EPC2: variants seen among roughly 807,000 people sequenced by gnomAD.
EPC2 encodes enhancer of polycomb homolog 2.
EPC2 carries 14 observed loss-of-function variants against 92.1 expected under a neutral mutation model. That is an observed-to-expected ratio of 0.15 (90% CI 0.10 to 0.24). The LOEUF is 0.24. Among genes scored for constraint, EPC2 ranks in the 10% least tolerant of loss-of-function variants. The pLI is 1.00. For missense variants in EPC2, 755 were observed against 971.5 expected, an observed-to-expected ratio of 0.78 and a Z score of 2.96; for synonymous variants, 340 against 334.7, an observed-to-expected ratio of 1.02 and a Z score of -0.17.
intron 2 of EPC2, among the ~76,000 whole-genome samples, chr2:148,738,096 G>C (rs1256880725): frequency 4.6e-5 from 7 of 151,972 alleles, no homozygotes; most frequent in African/African-American, 1.5e-4. Flanking sequence ...CTTTGTTTCT[G>C]TTACCCGTAA....
At chr2:148,698,419 C>T (rs573428877) in intron 2 of EPC2, among the ~76,000 whole-genome samples, 27 of 151,848 alleles carry the variant, frequency 1.8e-4, no homozygotes, top group African/African-American at 5.3e-4. Flanking sequence ...GGGTGGATCA[C>T]GAGGTCAGGA....
intron 2 of EPC2, among the ~76,000 whole-genome samples, chr2:148,723,896 A>G (rs1056363277): frequency 1.3e-5 from 2 of 152,010 alleles, no homozygotes; most frequent in Admixed American, 1.3e-4. Flanking sequence ...TGTTTTTTTA[A>G]TTCTTAGAGT....
chr2:148,730,801 A>G (rs76815040), intron 2 of EPC2, among the ~76,000 whole-genome samples: 1 of 152,360 alleles, frequency 6.6e-6, no homozygotes, highest in East Asian at 1.9e-4. Flanking sequence ...TTTAGTATAT[A>G]CTAGGATCCA....
At chr2:148,656,305 T>G (rs1042043379) in intron 1 of EPC2, among the ~76,000 whole-genome samples, 1 of 152,186 alleles carries the variant, frequency 6.6e-6, no homozygotes, top group African/African-American at 2.4e-5. Context: ...AGTTTGGTTG[T>G]CAGCAAAGCC....
chr2:148,783,671 C>A lies in EPC2; in HGVS notation c.1932C>A (p.Val644=). The change falls in exon 12 of 14, where the codon GTC becomes GTA. Residue 644 remains valine (V), a synonymous_variant. Coordinates refer to ENST00000258484, the MANE Select transcript of EPC2 (RefSeq NM_015630.4). ...ASAHFAASAV[V]SAPVPSRSEV... ...CCCACTTTGCTGCATCTGCAGTGGT[C>A]AGTGCACCTGTTCCAAGTCGCAGTG... 1 of 1,600,966 alleles carries A rather than the reference C, an allele frequency of 6.2e-7. No homozygotes were observed. Among genetic ancestry groups the A allele is most frequent in the South Asian group, 1.1e-5 (1 of 88,530 alleles).
intron 1 of EPC2, among the ~76,000 whole-genome samples, chr2:148,663,193 TGTATTATTATTATTATTATTA>T (rs1367366902): frequency 1.0e-5 from 1 of 98,644 alleles, no homozygotes; most frequent in Non-Finnish European, 2.2e-5. Flanking sequence ...ACTGTGTTTT[TGTATTATTATTATTATTATTA>T]TTATTATTAT....
At chr2:148,738,219 C>CA (rs1236992687) in intron 2 of EPC2, among the ~76,000 whole-genome samples, 2 of 152,172 alleles carry the variant, frequency 1.3e-5, no homozygotes, top group African/African-American at 4.8e-5. Context: ...TAACCAGAAG[C>CA]TATCTCTGTG....
At chr2:148,781,366 G>A (rs1683743897) in intron 10 of EPC2, among the ~76,000 whole-genome samples, 1 of 152,070 alleles carries the variant, frequency 6.6e-6, no homozygotes, top group African/African-American at 2.4e-5. Flanking sequence ...AAGATACTAA[G>A]TCTGAATAAA....
rs1446134394 is a variant in EPC2, at chr2:148,786,690, A to T, written c.*313A>T. On this transcript the variant is annotated 3_prime_UTR_variant, in exon 14 of 14. Transcript: ENST00000258484. ...ATAATTCTTTAATGGGATCATGAGC[A>T]TGAAATGGGATCCTGCATCACTTGT... 5.2e-6 allele frequency: 1 copy of T among 190,932 alleles called. No homozygotes were observed. The highest frequency in any genetic ancestry group is 1.1e-5 in the Non-Finnish European group (1 of 93,210). The allele number at this position is 190,932 out of a possible 1,614,324, so 11.8% of individuals were successfully genotyped here. A position where few individuals can be genotyped will look rare whatever the true frequency, so the allele number is the denominator to read the frequency against.
Position 148,756,589 on chromosome 2 carries a change from G to A in EPC2, c.666+2456G>A, listed in dbSNP as rs186454840. ...CGCTGAACTAATATTTAATTAAGGA[G>A]CATGTGAATACTTCAGGGCATTCTT... On this transcript the variant is annotated intron_variant, in intron 4 of 13. Transcript: ENST00000258484. 7.9e-4 allele frequency among the ~76,000 whole-genome samples: 120 copies of A among 152,290 alleles called. 1 individual carries two copies. Among genetic ancestry groups the A allele is most frequent in the Non-Finnish European group, 1.3e-3 (91 of 68,020 alleles).
intron 1 of EPC2, among the ~76,000 whole-genome samples, chr2:148,666,556 A>G (rs1681059805): frequency 6.6e-6 from 1 of 152,248 alleles, no homozygotes; most frequent in Non-Finnish European, 1.5e-5. Context: ...ACACTTTTAA[A>G]ATTATTAGTT....
Position 148,644,996 on chromosome 2 carries a change from G to A in EPC2, c.-22G>A, listed in dbSNP as rs1053907282. ...CCGCCCCGCCGCCGCCGCCCGGGCTGTTCCTGTAAGGCGGGGAGACAATGA... is the reference window on the plus strand; with the variant it reads ...CCGCCCCGCCGCCGCCGCCCGGGCTATTCCTGTAAGGCGGGGAGACAATGA... On this transcript the variant is annotated 5_prime_UTR_variant, in exon 1 of 14. Coordinates refer to ENST00000258484, the MANE Select transcript of EPC2 (RefSeq NM_015630.4). 1.3e-6 allele frequency: 2 copies of A among 1,545,252 alleles called. No homozygotes were observed. The highest frequency in any genetic ancestry group is 2.8e-5 in the African/African-American group (2 of 72,482).
At chr2:148,687,893 C>T (rs950771467) in intron 1 of EPC2, among the ~76,000 whole-genome samples, 3 of 152,162 alleles carry the variant, frequency 2.0e-5, no homozygotes, top group Non-Finnish European at 2.9e-5. Flanking sequence ...ATCTATCCCC[C>T]TCTATCATCT....
Position 148,716,360 on chromosome 2 carries a change from T to C in EPC2, c.313+25987T>C, listed in dbSNP as rs551826368. On this transcript the variant is annotated intron_variant, in intron 2 of 13. Coordinates refer to ENST00000258484, the MANE Select transcript of EPC2 (RefSeq NM_015630.4). The stretch of plus-strand genomic sequence containing the variant: ...CCCATTCAGTATGTTATTGGTGGGT[T>C]TGTCATATATGGCTCTTAATATTTT... 2.4e-4 allele frequency among the ~76,000 whole-genome samples: 36 copies of C among 152,290 alleles called. No homozygotes were observed. The South Asian group carries it at 3.3e-3, about 14-fold the overall frequency.
intron 2 of EPC2, among the ~76,000 whole-genome samples, chr2:148,691,263 C>T (rs1234211158): frequency 1.3e-5 from 2 of 152,120 alleles, no homozygotes; most frequent in African/African-American, 4.8e-5. Flanking sequence ...CAGCTGATTC[C>T]ACAGACAGAT....
intron 2 of EPC2, among the ~76,000 whole-genome samples, chr2:148,739,135 G>T (rs1361556578): frequency 6.6e-6 from 1 of 152,200 alleles, no homozygotes; most frequent in Non-Finnish European, 1.5e-5. Context: ...GTGAAAAGAA[G>T]CTGAAAGTGT....
intron 1 of EPC2, among the ~76,000 whole-genome samples, chr2:148,652,471 A>G (rs1467728863): frequency 6.6e-6 from 1 of 152,172 alleles, no homozygotes; most frequent in Non-Finnish European, 1.5e-5. Context: ...ACACTTATTA[A>G]TTTTCAAAGT....
intron 1 of EPC2, among the ~76,000 whole-genome samples, chr2:148,679,934 A>G (rs1036089663): frequency 2.0e-5 from 3 of 152,202 alleles, no homozygotes; most frequent in Non-Finnish European, 2.9e-5. Context: ...GACATAAGCC[A>G]CTGCGCCTGG....
chr2:148,704,686 C>G (rs1681957579), intron 2 of EPC2, among the ~76,000 whole-genome samples: 1 of 152,120 alleles, frequency 6.6e-6, no homozygotes, highest in Non-Finnish European at 1.5e-5. Context: ...CCTCTGAATC[C>G]TTACCCTATA....
Sources: gnomAD v4.1 joint callset for allele counts (sites outside exome capture counted in the v4.1 genomes callset) on GRCh38, gnomAD v4.1.1 for gene constraint, MANE v1.5 for transcripts, NCBI Gene and HGNC (gene_info 2026-07-23, HGNC 2026-07-21) for gene names.